The following HSD17B12 variants were observed in gnomAD, a reference collection of about 807,000 sequenced individuals.
HSD17B12 encodes the protein hydroxysteroid 17-beta dehydrogenase 12.
A neutral mutation model predicts 39.3 loss-of-function variants in HSD17B12; 32 were observed. That is an observed-to-expected ratio of 0.81 (90% confidence interval 0.61 to 1.09). The LOEUF (loss-of-function observed/expected upper bound fraction) is 1.09, where lower values mean the gene tolerates loss of function less well. HSD17B12 is among the 50% of genes least tolerant of loss of function. The pLI, the probability that HSD17B12 is intolerant of heterozygous loss-of-function variation, is 0.00. For missense variants in HSD17B12, 342 were observed against 382.9 expected (o/e 0.89, Z 0.89); for synonymous variants, 150 against 146.7 (o/e 1.02, Z -0.16).
the HSD17B12 span, among the ~76,000 whole-genome samples, chr11:43,585,307 T>C: frequency 2.0e-5 from 3 of 152,218 alleles, no homozygotes; most frequent in African/African-American, 7.2e-5. Flanking sequence ...TGATTCTTAT[T>C]GGGGATTTCG....
chr11:43,693,723 T>A (rs950020247), intron 1 of HSD17B12, among the ~76,000 whole-genome samples: 8 of 152,342 alleles, frequency 5.3e-5, no homozygotes, highest in African/African-American at 1.9e-4. Context: ...TCCTTTAATA[T>A]TCCTAGTCTG....
the HSD17B12 span, among the ~76,000 whole-genome samples, chr11:43,663,187 G>A: frequency 1.3e-5 from 2 of 151,994 alleles, no homozygotes; most frequent in Admixed American, 6.5e-5. Context: ...GCAACCTCCC[G>A]TTTCCGGATT....
the HSD17B12 span, among the ~76,000 whole-genome samples, chr11:43,599,325 A>C: frequency 2.6e-4 from 39 of 152,294 alleles, no homozygotes; most frequent in Non-Finnish European, 5.3e-4. Flanking sequence ...TGCGACCCTT[A>C]GGACTTAATC....
At chr11:43,815,070 T>C (rs1397767856) in intron 4 of HSD17B12, among the ~76,000 whole-genome samples, 1 of 152,184 alleles carries the variant, frequency 6.6e-6, no homozygotes, top group African/African-American at 2.4e-5. Context: ...CACGGTACTC[T>C]CCACTCTTTC....
rs572916585 is a variant in HSD17B12 at position 43,721,421 on chromosome 11, A to G, written c.161-29490A>G. Among the ~76,000 whole-genome samples, 9 of 152,216 alleles carry G rather than the reference A, an allele frequency of 5.9e-5. No individual in the cohort carries two copies. In the South Asian group the frequency reaches 1.9e-3, roughly 32 times the overall value. On this transcript the variant is annotated intron_variant, in intron 1 of 10. Transcript: ENST00000278353. ...ATCACCAGGTCAGGAGATCGAGACC[A>G]TCCTGGCTAACATGGTGAAACCCCA...
At chr11:43,586,100 A>AT in the HSD17B12 span, among the ~76,000 whole-genome samples, 183 of 151,754 alleles carry the variant, frequency 1.2e-3, 1 homozygote, top group African/African-American at 3.7e-3. Flanking sequence ...TTCTCTGGGT[A>AT]TTTTTTTTTC....
chr11:43,581,668 C>T, the HSD17B12 span, among the ~76,000 whole-genome samples: 3 of 152,128 alleles, frequency 2.0e-5, no homozygotes, highest in Non-Finnish European at 4.4e-5. The surrounding 1 kb of genome is among the most constrained non-coding windows in gnomAD (Gnocchi z 4.9). Context: ...GTCCCCCGCC[C>T]CCAACTTTTT....
chr11:43,668,453 A>T, the HSD17B12 span, among the ~76,000 whole-genome samples: 1 of 152,216 alleles, frequency 6.6e-6, no homozygotes, highest in Non-Finnish European at 1.5e-5. Flanking sequence ...AAAGGTCCTT[A>T]ATTTAATCAC....
chr11:43,595,206 C>T, the HSD17B12 span, among the ~76,000 whole-genome samples: 1 of 152,244 alleles, frequency 6.6e-6, no homozygotes, highest in African/African-American at 2.4e-5. Context: ...GCTCCGCCGA[C>T]CTCAAGCTGA....
At chr11:43,697,997 A>G (rs1949927316) in intron 1 of HSD17B12, among the ~76,000 whole-genome samples, 2 of 152,172 alleles carry the variant, frequency 1.3e-5, no homozygotes, top group Non-Finnish European at 2.9e-5. Flanking sequence ...GGAGGTAGCA[A>G]CTCAGGAGGT....
intron 1 of HSD17B12, among the ~76,000 whole-genome samples, chr11:43,715,597 G>C (rs956008975): frequency 3.9e-5 from 6 of 151,944 alleles, no homozygotes; most frequent in Non-Finnish European, 7.4e-5. Flanking sequence ...TTTTTTTGTT[G>C]TGTCTCTGCC....
chr11:43,594,151 G>A, the HSD17B12 span, among the ~76,000 whole-genome samples: 1 of 152,092 alleles, frequency 6.6e-6, no homozygotes, highest in Non-Finnish European at 1.5e-5. Flanking sequence ...CATAACGATA[G>A]TTAACTTTTT....
intron 3 of HSD17B12, among the ~76,000 whole-genome samples, chr11:43,795,329 C>T (rs1269303856): frequency 1.3e-5 from 2 of 152,120 alleles, no homozygotes; most frequent in African/African-American, 4.8e-5. Context: ...CATAGGCTAG[C>T]TAGCTCCCAC....
intron 1 of HSD17B12, among the ~76,000 whole-genome samples, chr11:43,741,113 G>A (rs989090163): frequency 6.6e-6 from 1 of 152,180 alleles, no homozygotes; most frequent in East Asian, 1.9e-4. Context: ...GGTATTATAA[G>A]GGTGGGAGTG....
At chr11:43,785,916 A>T (rs1380453894) in intron 3 of HSD17B12, among the ~76,000 whole-genome samples, 1 of 152,208 alleles carries the variant, frequency 6.6e-6, no homozygotes, top group Non-Finnish European at 1.5e-5. Context: ...AGTATCAAAG[A>T]TAATCACAAT....
chr11:43,618,225 TAAC>T, the HSD17B12 span, among the ~76,000 whole-genome samples: 28 of 152,288 alleles, frequency 1.8e-4, 1 homozygote, highest in Middle Eastern at 0.01. Context: ...CTAAGACTAA[TAAC>T]AACAAGATAG....
chr11:43,775,897 T>C (rs2134997680), intron 3 of HSD17B12, among the ~76,000 whole-genome samples: 1 of 151,908 alleles, frequency 6.6e-6, no homozygotes, highest in East Asian at 1.9e-4. Context: ...CTGAGAATGA[T>C]GATTTCCAAT....
At chr11:43,633,603 C>T in the HSD17B12 span, among the ~76,000 whole-genome samples, 31 of 151,800 alleles carry the variant, frequency 2.0e-4, no homozygotes, top group African/African-American at 6.5e-4. Flanking sequence ...TTAAAGATGG[C>T]CTTGTGGATT....
chr11:43,570,639 T>C, the HSD17B12 span, among the ~76,000 whole-genome samples: 1 of 152,170 alleles, frequency 6.6e-6, no homozygotes, highest in African/African-American at 2.4e-5. Flanking sequence ...AGCCCAGACA[T>C]AGATGTTAGT....
Sources: allele counts gnomAD v4.1 joint callset (sites outside exome capture counted in the v4.1 genomes callset), GRCh38; gene constraint gnomAD v4.1.1; non-coding constraint Gnocchi (gnomAD v3.1); transcripts MANE v1.5; gene names NCBI Gene and HGNC (gene_info 2026-07-23, HGNC 2026-07-21).